The following RBFOX1 variants were observed in gnomAD, a reference collection of about 807,000 sequenced individuals.
RBFOX1 encodes RNA binding fox-1 homolog 1.
Under a neutral mutation model 57.7 loss-of-function variants are expected in RBFOX1, and 8 were observed. The observed-to-expected ratio is 0.14, with a 90% confidence interval of 0.08 to 0.25. The LOEUF (loss-of-function observed/expected upper bound fraction) is 0.25, where lower values mean the gene tolerates loss of function less well. Ranked by LOEUF, RBFOX1 falls within the 10% of genes least tolerant of loss-of-function variation. The pLI is 1.00. For synonymous variants in RBFOX1, 326 were observed against 222.4 expected (o/e 1.47, Z -4.15); for missense variants, 611 against 548.5 (o/e 1.11, Z -1.14).
intron 3 of RBFOX1, among the ~76,000 whole-genome samples, chr16:6,817,722 A>G (rs988360863): frequency 2.4e-4 from 37 of 151,674 alleles, no homozygotes; most frequent in Admixed American, 2.4e-3. Flanking sequence ...AAAAACAAAC[A>G]AAAAAAACTA....
intron 5 of RBFOX1, among the ~76,000 whole-genome samples, chr16:7,523,837 A>C (rs557598909): frequency 6.6e-6 from 1 of 152,332 alleles, no homozygotes; most frequent in South Asian, 2.1e-4. Context: ...GATCTACACC[A>C]GCAGAACGTG....
intron 2 of RBFOX1, among the ~76,000 whole-genome samples, chr16:6,654,263 A>C (rs1421100280): frequency 6.6e-6 from 1 of 152,206 alleles, no homozygotes; most frequent in Non-Finnish European, 1.5e-5. Context: ...GAGAGATATT[A>C]AAGGCAGTCT....
At chr16:7,511,483 T>A (rs1325439693) in intron 4 of RBFOX1, among the ~76,000 whole-genome samples, 2 of 152,198 alleles carry the variant, frequency 1.3e-5, no homozygotes, top group South Asian at 2.1e-4. Flanking sequence ...TCTCTGAGCA[T>A]CAGAAGAGTG....
At chr16:6,600,099 T>C (rs1201379886) in intron 2 of RBFOX1, among the ~76,000 whole-genome samples, 1 of 152,180 alleles carries the variant, frequency 6.6e-6, no homozygotes, top group East Asian at 1.9e-4. Flanking sequence ...CATGGGTTTT[T>C]CAAGCTCATT....
chr16:6,966,860 C>T lies in RBFOX1; in HGVS notation c.-15-85197C>T, dbSNP rs148548886. ...CTATCTATCCATCCATCTATCCACA[C>T]ATCCATCTATCCATGTATCCATCTA... On this transcript the variant is annotated intron_variant, in intron 3 of 15. Transcript: ENST00000550418. Among the ~76,000 whole-genome samples the T allele has an allele frequency of 7.2e-4, 109 of 151,562 alleles. 1 individual carries two copies. In the East Asian group the frequency reaches 8.6e-3, roughly 12 times the overall value.
At chr16:5,585,640 T>C (rs1319618453) in intron 2 of RBFOX1, among the ~76,000 whole-genome samples, 1 of 152,224 alleles carries the variant, frequency 6.6e-6, no homozygotes, top group Non-Finnish European at 1.5e-5. Flanking sequence ...ACAAGGCCCC[T>C]TATAGATACC....
At chr16:6,783,188 C>T (rs1252236648) in intron 3 of RBFOX1, among the ~76,000 whole-genome samples, 1 of 151,712 alleles carries the variant, frequency 6.6e-6, no homozygotes, top group Non-Finnish European at 1.5e-5. Context: ...AAAATTTATT[C>T]AGCTAGTCTG....
At chr16:6,234,306 G>A (rs1321739366) in intron 1 of RBFOX1, among the ~76,000 whole-genome samples, 2 of 152,168 alleles carry the variant, frequency 1.3e-5, no homozygotes, top group Non-Finnish European at 2.9e-5. Flanking sequence ...CGAAAAGCAA[G>A]TATCTCTCCT....
chr16:5,560,509 G>T (rs1004123776), intron 2 of RBFOX1, among the ~76,000 whole-genome samples: 1 of 152,164 alleles, frequency 6.6e-6, no homozygotes, highest in Non-Finnish European at 1.5e-5. Context: ...TAAACTCTAG[G>T]AGGGCAAGGC....
At position 7,204,310 on chromosome 16, in the gene RBFOX1, A is replaced by G. The variant is rs553268070; in HGVS notation, c.27+152212A>G. ...GTATCCCATTTTAATCTGAGGGAGG[A>G]CAGGATTGCAAACACTTTAATATTA... On this transcript the variant is annotated intron_variant, in intron 4 of 15. Coordinates refer to ENST00000550418, the MANE Select transcript of RBFOX1 (RefSeq NM_018723.4). Among the ~76,000 whole-genome samples, 219 of 152,272 alleles carry G rather than the reference A, an allele frequency of 1.4e-3. 3 individuals carry two copies. Among genetic ancestry groups the G allele is most frequent in the Admixed American group, 1.4e-3 (22 of 15,290 alleles).
chr16:6,901,969 G>C (rs2068608601), intron 3 of RBFOX1, among the ~76,000 whole-genome samples: 1 of 152,076 alleles, frequency 6.6e-6, no homozygotes, highest in Non-Finnish European at 1.5e-5. Context: ...CAGAAATATT[G>C]CGTTACAGAC....
chr16:6,758,870 A>T (rs1350778621), intron 3 of RBFOX1, among the ~76,000 whole-genome samples: 2 of 152,158 alleles, frequency 1.3e-5, no homozygotes, highest in Admixed American at 1.3e-4. Flanking sequence ...AAGAAACCTC[A>T]TCCTAATAAA....
At chr16:5,771,192 C>G (rs1185801874) in intron 3 of RBFOX1, among the ~76,000 whole-genome samples, 1 of 152,238 alleles carries the variant, frequency 6.6e-6, no homozygotes, top group African/African-American at 2.4e-5. Flanking sequence ...CGGGGCTACC[C>G]CATAGGCAGA....
chr16:5,865,679 C>T (rs2057328448), intron 3 of RBFOX1, among the ~76,000 whole-genome samples: 1 of 152,198 alleles, frequency 6.6e-6, no homozygotes, highest in South Asian at 2.1e-4. Flanking sequence ...TTGTTGGATT[C>T]ACATTTGTGA....
intron 4 of RBFOX1, among the ~76,000 whole-genome samples, chr16:7,279,195 C>G (rs1446102706): frequency 6.6e-6 from 1 of 151,310 alleles, no homozygotes; most frequent in Non-Finnish European, 1.5e-5. Flanking sequence ...CCTACCCTCT[C>G]TGACTTACAC....
intron 3 of RBFOX1, among the ~76,000 whole-genome samples, chr16:6,766,304 C>A (rs750305294): frequency 5.3e-5 from 8 of 151,784 alleles, no homozygotes; most frequent in Non-Finnish European, 8.8e-5. Flanking sequence ...AGAATTTTTC[C>A]TTTTTTATTT....
At chr16:6,382,735 C>T (rs2091929087) in intron 2 of RBFOX1, among the ~76,000 whole-genome samples, 1 of 152,158 alleles carries the variant, frequency 6.6e-6, no homozygotes, top group African/African-American at 2.4e-5. Flanking sequence ...TGGCAGGTGC[C>T]TGTAATCCCA....
At chr16:6,830,845 A>G (rs1206028870) in intron 3 of RBFOX1, among the ~76,000 whole-genome samples, 1 of 152,090 alleles carries the variant, frequency 6.6e-6, no homozygotes, top group Non-Finnish European at 1.5e-5. Context: ...TATCTGAATC[A>G]CTCATAAAAT....
chr16:6,112,570 A>G (rs756835350), intron 1 of RBFOX1, among the ~76,000 whole-genome samples: 3 of 152,152 alleles, frequency 2.0e-5, no homozygotes, highest in Non-Finnish European at 2.9e-5. Flanking sequence ...GCATGCCTGT[A>G]ATCCCAGCTA....
Sources: allele counts gnomAD v4.1 joint callset (sites outside exome capture counted in the v4.1 genomes callset), GRCh38; gene constraint gnomAD v4.1.1; transcripts MANE v1.5; gene names NCBI Gene and HGNC (gene_info 2026-07-23, HGNC 2026-07-21).